Variants in SUGCT observed in about 807,000 individuals in gnomAD.
SUGCT encodes the protein succinyl-CoA:glutarate CoA-transferase.
A neutral mutation model predicts 55.0 loss-of-function variants in SUGCT; 41 were observed. The ratio of observed to expected loss-of-function variants is 0.74; its 90% CI spans 0.58 to 0.97. The LOEUF (loss-of-function observed/expected upper bound fraction) is 0.97. Ranked by LOEUF, SUGCT falls within the 50% of genes least tolerant of loss-of-function variation. The probability of loss-of-function intolerance (pLI) is 0.00; values close to 1 mark genes in which losing one functional copy is unlikely to be tolerated. For missense variants in SUGCT, 568 were observed against 547.8 expected (o/e 1.04, Z -0.37); for synonymous variants, 187 against 200.4 (o/e 0.93, Z 0.56).
At chr7:40,418,390 T>A (rs1022400470) in intron 9 of SUGCT, among the ~76,000 whole-genome samples, 1 of 152,210 alleles carries the variant, frequency 6.6e-6, no homozygotes, top group Admixed American at 6.5e-5. Context: ...TTTTTGCCCC[T>A]TCATTATTTT....
chr7:40,592,435 C>T (rs1015336967), intron 12 of SUGCT, among the ~76,000 whole-genome samples: 5 of 152,052 alleles, frequency 3.3e-5, no homozygotes, highest in South Asian at 2.1e-4. Context: ...TGGGTCTGCA[C>T]GCCCTGAGCA....
the SUGCT span, among the ~76,000 whole-genome samples, chr7:40,870,644 A>T: frequency 1.3e-5 from 2 of 152,190 alleles, no homozygotes; most frequent in East Asian, 3.9e-4. Context: ...GTTTTTCATT[A>T]TAGTTTTGCC....
At chr7:41,034,477 C>G in the SUGCT span, among the ~76,000 whole-genome samples, 1 of 152,150 alleles carries the variant, frequency 6.6e-6, no homozygotes, top group Non-Finnish European at 1.5e-5. Flanking sequence ...GACCCATGAA[C>G]ACAATCTTGC....
intron 9 of SUGCT, among the ~76,000 whole-genome samples, chr7:40,338,274 C>T (rs1198410414): frequency 1.3e-5 from 2 of 152,080 alleles, no homozygotes; most frequent in African/African-American, 4.8e-5. Context: ...CTCTGTATTT[C>T]CTGAATTTGA....
In SUGCT at chr7:40,259,393, A is replaced by G. The variant is rs561424310; in HGVS notation, c.577-15120A>G. Among the ~76,000 whole-genome samples, 9 of 152,316 alleles carry G rather than the reference A, an allele frequency of 5.9e-5. 1 individual carries two copies. The South Asian group carries it at 1.2e-3, about 21-fold the overall frequency. On this transcript the variant is annotated intron_variant, in intron 7 of 13. Transcript: ENST00000335693. ...CAATTTGCATATATTTGTGTTCTGCAGGGCCAACTGTGGCTACGCGACTGT... is the reference window on the plus strand; with the variant it reads ...CAATTTGCATATATTTGTGTTCTGCGGGGCCAACTGTGGCTACGCGACTGT...
In SUGCT at chr7:40,737,940, A is replaced by T. The variant is rs192601848; in HGVS notation, c.1090-11494A>T. On this transcript the variant is annotated intron_variant, in intron 12 of 13. Coordinates refer to ENST00000335693, the MANE Select transcript of SUGCT (RefSeq NM_001193313.2). ...ACTCCGTCTCAAAAAAAACAAAAAA[A>T]AAGGCCGGGCGCAGAGGCTCATGCC... Among the ~76,000 whole-genome samples, 65 of 151,918 alleles carry T rather than the reference A, an allele frequency of 4.3e-4. No individual in the cohort carries two copies. The East Asian group carries it at 9.5e-3, about 22-fold the overall frequency.
intron 12 of SUGCT, among the ~76,000 whole-genome samples, chr7:40,553,275 G>C: frequency 6.6e-6 from 1 of 152,096 alleles, no homozygotes; most frequent in East Asian, 1.9e-4. Context: ...GGAACTCCTA[G>C]GAATTAACTA....
chr7:40,949,420 A>G, the SUGCT span, among the ~76,000 whole-genome samples: 1 of 151,916 alleles, frequency 6.6e-6, no homozygotes, highest in African/African-American at 2.4e-5. Context: ...ATTCACTCTG[A>G]TGGTAGTTTC....
chr7:40,347,304 G>A (rs1797368705), intron 9 of SUGCT, among the ~76,000 whole-genome samples: 1 of 152,202 alleles, frequency 6.6e-6, no homozygotes, highest in South Asian at 2.1e-4. Context: ...GGCCTCACAA[G>A]GAAATGAGGA....
intron 12 of SUGCT, among the ~76,000 whole-genome samples, chr7:40,556,114 C>T (rs1345548151): frequency 6.6e-6 from 1 of 152,088 alleles, no homozygotes; most frequent in Non-Finnish European, 1.5e-5. Flanking sequence ...ATATTGTTTG[C>T]CCTGTGCCCA....
At chr7:40,459,606 G>A (rs1020443137) in intron 11 of SUGCT, among the ~76,000 whole-genome samples, 17 of 152,218 alleles carry the variant, frequency 1.1e-4, no homozygotes, top group African/African-American at 3.6e-4. Flanking sequence ...TAATTATCCT[G>A]TGAGGTAAGT....
chr7:40,291,602 A>G (rs1249828054), intron 8 of SUGCT, among the ~76,000 whole-genome samples: 11 of 151,354 alleles, frequency 7.3e-5, no homozygotes, highest in Non-Finnish European at 8.8e-5. Flanking sequence ...ACATGTATAC[A>G]TATGTAACAA....
intron 12 of SUGCT, among the ~76,000 whole-genome samples, chr7:40,659,871 A>C (rs1801217443): frequency 6.6e-6 from 1 of 152,160 alleles, no homozygotes; most frequent in African/African-American, 2.4e-5. Context: ...AGTACACTAC[A>C]CTGTGAGTGG....
At chr7:41,032,017 G>C in the SUGCT span, among the ~76,000 whole-genome samples, 4 of 132,656 alleles carry the variant, frequency 3.0e-5, no homozygotes, top group African/African-American at 8.1e-5. Context: ...ATGAATGAAT[G>C]AATGAACCTA....
chr7:41,034,521 G>A, the SUGCT span, among the ~76,000 whole-genome samples: 4 of 152,152 alleles, frequency 2.6e-5, no homozygotes, highest in African/African-American at 9.7e-5. Context: ...CTCACATCTA[G>A]ACCCACAGAA....
chr7:40,224,039 T>C (rs1157856071), intron 6 of SUGCT, among the ~76,000 whole-genome samples: 1 of 152,140 alleles, frequency 6.6e-6, no homozygotes, highest in African/African-American at 2.4e-5. Flanking sequence ...TATGTGAGAG[T>C]CTGGCTGAGT....
the SUGCT span, among the ~76,000 whole-genome samples, chr7:40,898,597 G>A: frequency 1.3e-5 from 2 of 151,756 alleles, no homozygotes; most frequent in Non-Finnish European, 1.5e-5. Flanking sequence ...GGTGGTGGGC[G>A]CTTGTAGTCC....
chr7:40,591,865 G>T (rs1205421102), intron 12 of SUGCT, among the ~76,000 whole-genome samples: 1 of 152,072 alleles, frequency 6.6e-6, no homozygotes. Context: ...ACTTAATAAT[G>T]TTCAATATAG....
chr7:40,160,709 G>T (rs1333802527), intron 1 of SUGCT, among the ~76,000 whole-genome samples: 2 of 152,032 alleles, frequency 1.3e-5, no homozygotes, highest in Non-Finnish European at 2.9e-5. Flanking sequence ...CCAACATCAA[G>T]AATAATTTAT....
Sources: gnomAD v4.1 joint callset for allele counts (sites outside exome capture counted in the v4.1 genomes callset) on GRCh38, gnomAD v4.1.1 for gene constraint, MANE v1.5 for transcripts, NCBI Gene and HGNC (gene_info 2026-07-23, HGNC 2026-07-21) for gene names.